Variants in WDR43 observed in about 807,000 individuals in gnomAD.
WDR43 encodes WD repeat domain 43, also known as WD repeat-containing protein 43.
In WDR43, 13 loss-of-function variants were observed where a neutral mutation model predicts 91.4. The ratio of observed to expected loss-of-function variants is 0.14; its 90% CI spans 0.09 to 0.23. The LOEUF is 0.23. WDR43 is among the 10% of genes least tolerant of loss of function. WDR43 has a pLI of 1.00. For synonymous variants in WDR43, 331 were observed against 287.9 expected, an observed-to-expected ratio of 1.15 and a Z score of -1.51; for missense variants, 780 against 809.4, an observed-to-expected ratio of 0.96 and a Z score of 0.44.
rs201906128 is a variant in WDR43, at chr2:28,923,501, C to G, written c.914+518C>G. On this transcript the variant is annotated intron_variant, in intron 7 of 17. Coordinates refer to ENST00000407426, the MANE Select transcript of WDR43 (RefSeq NM_015131.3). ...AAACTTGCCAAACCTTGTCATTATA[C>G]TGTAAACATGGTCTGAGACTCAGTT... Among the ~76,000 whole-genome samples the G allele has an allele frequency of 5.3e-5, 8 of 152,286 alleles. No individual in the cohort carries two copies. In the East Asian group the frequency reaches 1.4e-3, roughly 26 times the overall value.
intron 14 of WDR43, 31 bp from the exon 15 acceptor site, chr2:28,941,430 A>G (rs373801381): frequency 1.9e-5 from 29 of 1,543,496 alleles, no homozygotes; most frequent in Non-Finnish European, 2.5e-5. Context: ...CTAATACGTT[A>G]ATAGTGCCAA....
At chr2:28,930,323 C>T (rs530933853) in intron 11 of WDR43, among the ~76,000 whole-genome samples, 2 of 152,158 alleles carry the variant, frequency 1.3e-5, no homozygotes, top group East Asian at 3.8e-4. Context: ...AGTTTGACAG[C>T]ATTCTATCTA....
chr2:28,897,350 A>G (rs991378719), intron 1 of WDR43, among the ~76,000 whole-genome samples: 2 of 152,184 alleles, frequency 1.3e-5, no homozygotes, highest in Non-Finnish European at 2.9e-5. Context: ...TTTATTTTAC[A>G]TCTTTGAGGC....
intron 4 of WDR43, chr2:28,913,838 G>A (rs1670855152): frequency 4.5e-6 from 3 of 665,946 alleles, no homozygotes; most frequent in Non-Finnish European, 5.5e-6. Flanking sequence ...AGGGTCATGG[G>A]AGTTAGAAGG....
intron 4 of WDR43, 37 bp downstream of exon 4, chr2:28,912,747 TA>T (rs1670827178): frequency 6.2e-7 from 1 of 1,607,132 alleles, no homozygotes; most frequent in Non-Finnish European, 8.5e-7. Context: ...ATAAAAATTA[TA>T]GAGTAAACAC....
At chr2:28,905,276 AT>A (rs1670657450) in intron 2 of WDR43, among the ~76,000 whole-genome samples, 1 of 152,316 alleles carries the variant, frequency 6.6e-6, no homozygotes, top group South Asian at 2.1e-4. Context: ...AGTGTGGGTG[AT>A]TTAGCACCTC....
At position 28,906,504 on chromosome 2, in the gene WDR43, A is replaced by C; in HGVS notation, c.408A>C (p.Gln136His). 1 of 1,596,362 alleles carries C rather than the reference A, an allele frequency of 6.3e-7. No individual in the cohort carries two copies. Residue 136 changes from glutamine to histidine, a missense_variant, in exon 3 of 18, where the codon CAA (glutamine) becomes CAC (histidine). Physicochemically the swap from Gln to His is conservative, Grantham distance 24. This residue lies in a region of WDR43 where 174 missense variants were observed against 207.3 expected (regional missense o/e 0.84). Transcript: ENST00000407426. ...GAGTCAACTGCATACAGTGGCATCA[A>C]GACAGTGGCTGTTTATATAGTTGTT... ...DNRVNCIQWH[Q>H]DSGCLYSCSD...
intron 16 of WDR43, among the ~76,000 whole-genome samples, chr2:28,942,838 A>G (rs367621023): frequency 1.3e-5 from 2 of 151,962 alleles, no homozygotes; most frequent in Admixed American, 6.6e-5. Context: ...GATGGTCTCA[A>G]ACTCCTGGGC....
At chr2:28,913,828 A>G in intron 4 of WDR43, 2 of 679,812 alleles carry the variant, frequency 2.9e-6, no homozygotes, top group East Asian at 6.0e-5. Context: ...GCGGAGTGGT[A>G]GGGTCATGGG....
intron 15 of WDR43, 117 bp downstream of exon 15, chr2:28,941,691 C>T: frequency 1.3e-6 from 1 of 755,096 alleles, no homozygotes; most frequent in Non-Finnish European, 2.2e-6. Context: ...ACTGCGGTAG[C>T]ATGATCATAG....
intron 1 of WDR43, among the ~76,000 whole-genome samples, chr2:28,901,606 T>C (rs575958939): frequency 6.6e-6 from 1 of 152,232 alleles, no homozygotes; most frequent in Non-Finnish European, 1.5e-5. Flanking sequence ...GATTCATAGA[T>C]TTTTGGGTAT....
intron 3 of WDR43, among the ~76,000 whole-genome samples, chr2:28,911,310 T>TC (rs1395248418): frequency 1.3e-5 from 2 of 151,970 alleles, no homozygotes; most frequent in Non-Finnish European, 2.9e-5. Context: ...TTTTTTTTTT[T>TC]TGAGACGGAG....
At chr2:28,935,700 A>G (rs1300335193) in intron 12 of WDR43, 93 bp downstream of exon 12, 3 of 727,256 alleles carry the variant, frequency 4.1e-6, no homozygotes, top group South Asian at 5.4e-5. Flanking sequence ...ATACGTAAGG[A>G]CACATGGCAT....
At chr2:28,898,762 G>A (rs546311922) in intron 1 of WDR43, among the ~76,000 whole-genome samples, 1 of 152,140 alleles carries the variant, frequency 6.6e-6, no homozygotes, top group East Asian at 1.9e-4. Context: ...TCTCTGTGAA[G>A]CTTGTTTCTA....
At position 28,922,965 on chromosome 2, in the gene WDR43, T is replaced by C. The variant is rs1671063139; in HGVS notation, c.896T>C (p.Phe299Ser). The C allele has an allele frequency of 1.2e-6, 2 of 1,610,660 alleles. No homozygotes were observed. Among genetic ancestry groups the C allele is most frequent in the African/African-American group, 2.7e-5 (2 of 74,858 alleles). The change falls in exon 7 of 18, where the codon TTT becomes TCT. Residue 299 changes from phenylalanine (F) to serine (S), a missense_variant. Transcript: ENST00000407426. ...VVCRDGQVHL[F>S]EHILNGYCKK... Reference sequence around the variant, plus strand: ...TGCAGAGATGGTCAAGTCCATCTTTTTGAACACATATTAAATGGGTAAGTA... The same window carrying C: ...TGCAGAGATGGTCAAGTCCATCTTTCTGAACACATATTAAATGGGTAAGTA...
intron 14 of WDR43, among the ~76,000 whole-genome samples, chr2:28,938,212 G>T (rs1671369394): frequency 6.6e-6 from 1 of 151,954 alleles, no homozygotes; most frequent in African/African-American, 2.4e-5. Flanking sequence ...CTTCCCCTCT[G>T]CCCCCCGGAT....
intron 7 of WDR43, among the ~76,000 whole-genome samples, chr2:28,923,537 A>G (rs1671076509): frequency 6.6e-6 from 1 of 152,142 alleles, no homozygotes; most frequent in South Asian, 2.1e-4. Context: ...TTGCGCACAA[A>G]TTTTGTTAAG....
chr2:28,916,214 AT>A (rs1670907906), intron 5 of WDR43, among the ~76,000 whole-genome samples: 1 of 152,148 alleles, frequency 6.6e-6, no homozygotes, highest in African/African-American at 2.4e-5. Context: ...TGCTATGGAC[AT>A]TTTTTGTGTA....
chr2:28,912,958 T>G lies in WDR43; in HGVS notation c.606+248T>G, dbSNP rs1670832637. Among the ~76,000 whole-genome samples the G allele has an allele frequency of 1.0e-4, 15 of 146,832 alleles. No individual in the cohort carries two copies. In the South Asian group the frequency reaches 3.4e-3, roughly 33 times the overall value. On this transcript the variant is annotated intron_variant, in intron 4 of 17. Transcript: ENST00000407426. ...ATTCAAGAAACAAGATTTTTTTTTT[T>G]TTTTTTTTTTTTGAGATGGAGTCTC...
Sources: allele counts gnomAD v4.1 joint callset (sites outside exome capture counted in the v4.1 genomes callset), GRCh38; gene constraint gnomAD v4.1.1; regional missense constraint gnomAD v4.1.1; transcripts MANE v1.5; gene names NCBI Gene and HGNC (gene_info 2026-07-23, HGNC 2026-07-21).